Variants in DNAJC5B observed in about 807,000 individuals in gnomAD.
DNAJC5B encodes dnaJ homolog subfamily C member 5B.
A neutral mutation model predicts 24.7 loss-of-function variants in DNAJC5B; 23 were observed. That is an observed-to-expected ratio of 0.93 (90% CI 0.67 to 1.32). The LOEUF (loss-of-function observed/expected upper bound fraction) is 1.32. DNAJC5B is among the 40% of genes most tolerant of loss of function. The pLI, the probability that DNAJC5B is intolerant of heterozygous loss-of-function variation, is 0.00. For missense variants in DNAJC5B, 238 were observed against 240.8 expected (o/e 0.99, Z 0.08); for synonymous variants, 101 against 90.1 (o/e 1.12, Z -0.68).
At chr8:66,015,145 G>A in the DNAJC5B span, among the ~76,000 whole-genome samples, 220 of 152,278 alleles carry the variant, frequency 1.4e-3, no homozygotes, top group African/African-American at 4.8e-3. Flanking sequence ...TCCATTCCCC[G>A]ATATCCTGGC....
chr8:66,020,292 GA>G (rs1463100194), upstream of DNAJC5B, among the ~76,000 whole-genome samples: 1 of 152,290 alleles, frequency 6.6e-6, no homozygotes, highest in African/African-American at 2.4e-5. Flanking sequence ...AGATTAAATA[GA>G]GTGATATGTG....
At chr8:66,018,929 A>G (rs1436870648), upstream of DNAJC5B, among the ~76,000 whole-genome samples, 1 of 152,246 alleles carries the variant, frequency 6.6e-6, no homozygotes, top group African/African-American at 2.4e-5. Context: ...CTTAGCCTGC[A>G]GAGTGCCTGC....
chr8:66,026,610 C>G (rs1221611768), intron 1 of DNAJC5B, among the ~76,000 whole-genome samples: 1 of 152,246 alleles, frequency 6.6e-6, no homozygotes, highest in Non-Finnish European at 1.5e-5. Context: ...GTCATCCCAG[C>G]CCAGCCCCCA....
intron 5 of DNAJC5B, among the ~76,000 whole-genome samples, chr8:66,081,188 CA>C (rs945880176): frequency 2.3e-4 from 35 of 152,100 alleles, no homozygotes; most frequent in African/African-American, 8.4e-4. Flanking sequence ...TCATGCTATC[CA>C]AAAATGAAAA....
At chr8:66,036,438 C>G (rs1025188489) in intron 1 of DNAJC5B, among the ~76,000 whole-genome samples, 3 of 152,156 alleles carry the variant, frequency 2.0e-5, no homozygotes, top group Non-Finnish European at 4.4e-5. Context: ...CCCCAACGGA[C>G]AAGCTCTGGG....
chr8:66,076,618 G>C, intron 3 of DNAJC5B, 42 bp from the exon 4 acceptor site: 1 of 1,606,860 alleles, frequency 6.2e-7, no homozygotes, highest in East Asian at 2.2e-5. Context: ...GTTCATTCTT[G>C]TCAAATAACA....
At chr8:66,035,690 C>T (rs1806468227) in intron 1 of DNAJC5B, among the ~76,000 whole-genome samples, 1 of 152,178 alleles carries the variant, frequency 6.6e-6, no homozygotes, top group African/African-American at 2.4e-5. Flanking sequence ...CTTCTGGCCT[C>T]CAGACCTGTA....
chr8:66,030,123 C>T (rs185053328), intron 1 of DNAJC5B, among the ~76,000 whole-genome samples: 1 of 152,294 alleles, frequency 6.6e-6, no homozygotes, highest in Non-Finnish European at 1.5e-5. Flanking sequence ...GTCTTCCTCC[C>T]CAACTCAGAT....
chr8:66,087,682 G>T (rs949516411), intron 5 of DNAJC5B, among the ~76,000 whole-genome samples: 3 of 152,094 alleles, frequency 2.0e-5, no homozygotes, highest in Non-Finnish European at 4.4e-5. Flanking sequence ...GGGACCACAG[G>T]CCCCAGACAA....
At chr8:66,072,131 T>C (rs977459875) in intron 3 of DNAJC5B, among the ~76,000 whole-genome samples, 23 of 152,148 alleles carry the variant, frequency 1.5e-4, no homozygotes, top group African/African-American at 5.6e-4. Context: ...CAAACCACCA[T>C]GGCACGTGTG....
At position 66,065,064 on chromosome 8, in the gene DNAJC5B, C is replaced by A. The variant is rs1363091032; in HGVS notation, c.120-11596C>A. On this transcript the variant is annotated intron_variant, in intron 3 of 5. Transcript: ENST00000276570. ...ATTCTAGTAAAAATGTGGGGAAATA[C>A]TTTTCAAGCGATGATTGAGACACAG... Among the ~76,000 whole-genome samples the A allele has an allele frequency of 2.0e-5, 3 of 152,332 alleles. No homozygotes were observed. The East Asian group carries it at 5.8e-4, about 29-fold the overall frequency.
At chr8:66,056,155 C>T (rs562205062) in intron 3 of DNAJC5B, among the ~76,000 whole-genome samples, 69 of 152,198 alleles carry the variant, frequency 4.5e-4, no homozygotes, top group African/African-American at 1.5e-3. Flanking sequence ...TCCCCTCCAC[C>T]CCAACCCAAC....
At chr8:66,022,129 T>C (rs2128955003) in intron 1 of DNAJC5B, among the ~76,000 whole-genome samples, 1 of 152,150 alleles carries the variant, frequency 6.6e-6, no homozygotes, top group African/African-American at 2.4e-5. Context: ...CTATAAAGAG[T>C]AAAAGAGAAG....
At position 66,054,893 on chromosome 8, in the gene DNAJC5B, G is replaced by A. The variant is rs147725290; in HGVS notation, c.119+3227G>A. ...GACACTGTGCTGGGGTAGGGGAGGT[G>A]GGAGGGAATGCCATAATTGCATTGT... On this transcript the variant is annotated intron_variant, in intron 3 of 5. Coordinates refer to ENST00000276570, the MANE Select transcript of DNAJC5B (RefSeq NM_033105.6). Among the ~76,000 whole-genome samples, 627 of 152,198 alleles carry A rather than the reference G, an allele frequency of 4.1e-3. 2 individuals carry two copies. Among genetic ancestry groups the A allele is most frequent in the Non-Finnish European group, 7.5e-3 (511 of 68,002 alleles).
Position 66,055,660 on chromosome 8 carries a change from CA to C in DNAJC5B, c.119+3995del, listed in dbSNP as rs535442032. Among the ~76,000 whole-genome samples the C allele has an allele frequency of 3.4e-3, 525 of 152,226 alleles. 2 individuals carry two copies. The highest frequency in any genetic ancestry group is 5.6e-3 in the Non-Finnish European group (382 of 68,012). ...TATGTCTAAATAAGCATATATAGAC[CA>C]GGCACGGTGGCTCACACCTGTAATC... On this transcript the variant is annotated intron_variant, in intron 3 of 5. Transcript: ENST00000276570.
chr8:66,093,732 A>G (rs760572219), intron 5 of DNAJC5B, among the ~76,000 whole-genome samples: 2 of 152,154 alleles, frequency 1.3e-5, no homozygotes, highest in Non-Finnish European at 2.9e-5. Flanking sequence ...TTTAATGTAG[A>G]CAGACTTTCA....
At chr8:66,091,886 A>T (rs1807856359) in intron 5 of DNAJC5B, among the ~76,000 whole-genome samples, 1 of 152,186 alleles carries the variant, frequency 6.6e-6, no homozygotes, top group African/African-American at 2.4e-5. Context: ...ACCTGGGAAG[A>T]TCATGCTAGA....
intron 1 of DNAJC5B, among the ~76,000 whole-genome samples, chr8:66,040,245 C>A: frequency 6.6e-6 from 1 of 152,056 alleles, no homozygotes; most frequent in East Asian, 1.9e-4. Flanking sequence ...AAAAAATTAG[C>A]CAGGAGTGGT....
intron 5 of DNAJC5B, among the ~76,000 whole-genome samples, chr8:66,091,264 T>A (rs1003354810): frequency 1.3e-5 from 2 of 152,128 alleles, no homozygotes; most frequent in African/African-American, 4.8e-5. Flanking sequence ...ACTAGTTAAT[T>A]TACAGGTACA....
Sources: allele counts gnomAD v4.1 joint callset (sites outside exome capture counted in the v4.1 genomes callset), GRCh38; gene constraint gnomAD v4.1.1; transcripts MANE v1.5; gene names NCBI Gene and HGNC (gene_info 2026-07-23, HGNC 2026-07-21).